Variants in NR1H4 observed in about 807,000 individuals in gnomAD.
NR1H4 encodes the protein bile acid receptor.
A neutral mutation model predicts 58.5 loss-of-function variants in NR1H4; 23 were observed. That is an observed-to-expected ratio of 0.39 (90% confidence interval 0.28 to 0.56). The LOEUF is 0.56. NR1H4 is among the 20% of genes least tolerant of loss of function. The pLI is 0.58. For missense variants in NR1H4, 487 were observed against 576.9 expected, an observed-to-expected ratio of 0.84 and a Z score of 1.60; for synonymous variants, 214 against 198.0, an observed-to-expected ratio of 1.08 and a Z score of -0.68.
intron 3 of NR1H4, among the ~76,000 whole-genome samples, chr12:100,496,383 T>C (rs899389187): frequency 3.9e-5 from 6 of 152,038 alleles, no homozygotes; most frequent in Admixed American, 1.3e-4. Flanking sequence ...GAGTCCACAA[T>C]TGAGCACAGC....
At position 100,533,998 on chromosome 12, in the gene NR1H4, G is replaced by A. The variant is rs193091680; in HGVS notation, c.599-892G>A. Among the ~76,000 whole-genome samples the A allele has an allele frequency of 1.6e-3, 240 of 151,532 alleles. 4 individuals are homozygous for A. Among genetic ancestry groups the A allele is most frequent in the East Asian group, 0.012 (63 of 5,148 alleles). On this transcript the variant is annotated intron_variant, in intron 5 of 10. Coordinates refer to ENST00000392986, the MANE Select transcript of NR1H4 (RefSeq NM_001206979.2). ...TGCAAGCTCCGCTTCCCGGGTTCAC[G>A]CCATTCTCCTGCCTCAGCCTCCCGA...
chr12:100,480,722 C>T (rs1213332910), intron 1 of NR1H4, among the ~76,000 whole-genome samples: 1 of 152,140 alleles, frequency 6.6e-6, no homozygotes, highest in East Asian at 1.9e-4. Flanking sequence ...ACAACCATCC[C>T]AAAGCTTAGT....
intron 4 of NR1H4, among the ~76,000 whole-genome samples, chr12:100,528,859 G>C (rs1452519836): frequency 6.6e-6 from 1 of 152,068 alleles, no homozygotes; most frequent in Admixed American, 6.5e-5. Flanking sequence ...CCTTTATTCT[G>C]TTAACTATTA....
chr12:100,503,821 G>T (rs762570484), intron 3 of NR1H4, among the ~76,000 whole-genome samples: 2 of 152,096 alleles, frequency 1.3e-5, no homozygotes, highest in Non-Finnish European at 2.9e-5. Context: ...CATTTTAACA[G>T]ACATTATTTA....
At chr12:100,527,530 T>TA (rs1204585060) in intron 4 of NR1H4, among the ~76,000 whole-genome samples, 1 of 152,106 alleles carries the variant, frequency 6.6e-6, no homozygotes, top group Non-Finnish European at 1.5e-5. Flanking sequence ...AGACCTTGTC[T>TA]AAAAAAATAG....
At chr12:100,477,232 T>C (rs1256581959) in intron 1 of NR1H4, among the ~76,000 whole-genome samples, 1 of 152,146 alleles carries the variant, frequency 6.6e-6, no homozygotes, top group African/African-American at 2.4e-5. Context: ...ATGACACTAA[T>C]ATAATGCAAC....
At position 100,540,500 on chromosome 12, in the gene NR1H4, C is replaced by T. The variant is rs574500272; in HGVS notation, c.932-172C>T. ...CCCAGCTTGTTTAATAAATTCTGCT[C>T]AATGAAGATAAAAGCCTCTATTTTA... On this transcript the variant is annotated intron_variant, in intron 8 of 10. Coordinates refer to ENST00000392986, the MANE Select transcript of NR1H4 (RefSeq NM_001206979.2). 4.0e-4 allele frequency among the ~76,000 whole-genome samples: 61 copies of T among 152,248 alleles called. No individual in the cohort carries two copies. The South Asian group carries it at 0.011, about 28-fold the overall frequency.
chr12:100,509,095 C>T (rs540352988), intron 3 of NR1H4, among the ~76,000 whole-genome samples: 2 of 152,258 alleles, frequency 1.3e-5, no homozygotes, highest in Admixed American at 1.3e-4. Flanking sequence ...TCTGTATCAT[C>T]TCACTCAATC....
intron 9 of NR1H4, among the ~76,000 whole-genome samples, chr12:100,546,212 C>T (rs1282580411): frequency 6.6e-6 from 1 of 152,116 alleles, no homozygotes; most frequent in Non-Finnish European, 1.5e-5. Context: ...TAACATTTTG[C>T]TTCACGAAAA....
intron 1 of NR1H4, among the ~76,000 whole-genome samples, chr12:100,478,439 A>G (rs962619406): frequency 6.6e-6 from 1 of 152,192 alleles, no homozygotes; most frequent in African/African-American, 2.4e-5. Flanking sequence ...GCATCTGATT[A>G]TATAATTGGC....
intron 1 of NR1H4, among the ~76,000 whole-genome samples, chr12:100,485,754 G>A (rs1338413248): frequency 6.6e-5 from 10 of 151,940 alleles, no homozygotes; most frequent in East Asian, 3.9e-4. Flanking sequence ...GGCTGGTCTC[G>A]AACTCCTGAC....
At chr12:100,554,553 GAT>G (rs1458895125) in intron 9 of NR1H4, among the ~76,000 whole-genome samples, 2 of 152,102 alleles carry the variant, frequency 1.3e-5, no homozygotes, top group East Asian at 3.9e-4. Flanking sequence ...GAATATTTCT[GAT>G]CATTGAACAT....
chr12:100,541,407 G>A (rs1040158898), intron 9 of NR1H4, among the ~76,000 whole-genome samples: 8 of 151,116 alleles, frequency 5.3e-5, no homozygotes, highest in African/African-American at 1.7e-4. Context: ...TCAGCCTCCC[G>A]AGTAGCCAGG....
chr12:100,545,522 A>G (rs1383647776), intron 9 of NR1H4, among the ~76,000 whole-genome samples: 1 of 151,000 alleles, frequency 6.6e-6, no homozygotes, highest in Non-Finnish European at 1.5e-5. Context: ...TGAGTCTGTA[A>G]TCTCAGCTAG....
Position 100,528,378 on chromosome 12 carries a change from A to G in NR1H4, c.446-4080A>G, listed in dbSNP as rs561957805. On this transcript the variant is annotated intron_variant, in intron 4 of 10. Coordinates refer to ENST00000392986, the MANE Select transcript of NR1H4 (RefSeq NM_001206979.2). ...TGAGGCTCCATCTGGGAAAGAAAAA[A>G]AAAAAAGAGGCAGAAAAGCAGTGTG... 3.7e-4 allele frequency among the ~76,000 whole-genome samples: 56 copies of G among 152,182 alleles called. 1 individual carries two copies. The highest frequency in any genetic ancestry group is 1.3e-3 in the African/African-American group (53 of 41,478).
chr12:100,532,466 A>G lies in NR1H4; in HGVS notation c.454A>G (p.Arg152Gly), dbSNP rs1214786771. 2 of 1,614,128 alleles carry G rather than the reference A, an allele frequency of 1.2e-6. No homozygotes were observed. Among genetic ancestry groups the G allele is most frequent in the East Asian group, 2.2e-5 (1 of 44,886 alleles). The change falls in exon 5 of 11, where the codon AGG becomes GGG. Residue 152 changes from arginine to glycine, a missense_variant. By Grantham distance (125) the Arg-to-Gly change is moderately radical (BLOSUM62 -2). Coordinates refer to ENST00000392986, the MANE Select transcript of NR1H4 (RefSeq NM_001206979.2). ...LTCEGCKGFF[R>G]RSITKNAVYK... is the part of the protein sequence containing the mutation. ...CAGTGTTTCTCCCACAGGTTTCTTC[A>G]GGAGAAGCATTACCAAAAACGCTGT...
intron 1 of NR1H4, among the ~76,000 whole-genome samples, chr12:100,491,591 C>T (rs1953607415): frequency 6.6e-6 from 1 of 151,328 alleles, no homozygotes; most frequent in Non-Finnish European, 1.5e-5. Flanking sequence ...GGGTGAAGTT[C>T]ATGGTCCCTA....
In NR1H4 at chr12:100,563,298, C is replaced by A; in HGVS notation, c.1240C>A (p.Pro414Thr). The A allele has an allele frequency of 6.2e-7, 1 of 1,614,044 alleles. No individual in the cohort carries two copies. Residue 414 changes from proline to threonine, a missense_variant, in exon 11 of 11, where the codon CCA becomes ACA. By Grantham distance (38) the Pro-to-Thr change is conservative. Transcript: ENST00000392986. ...DREAVEKLQE[P>T]LLDVLQKLCK... ...AGAGGCAGTAGAGAAGCTTCAGGAGCCACTTCTTGATGTGCTACAAAAGTT... is the reference window on the plus strand; with the variant it reads ...AGAGGCAGTAGAGAAGCTTCAGGAGACACTTCTTGATGTGCTACAAAAGTT...
chr12:100,513,666 G>C (rs887338522), intron 4 of NR1H4, among the ~76,000 whole-genome samples: 2 of 152,016 alleles, frequency 1.3e-5, no homozygotes, highest in Non-Finnish European at 2.9e-5. Flanking sequence ...ATAGTGGCAC[G>C]CACCTGTAGT....
Sources: gnomAD v4.1 joint callset for allele counts (sites outside exome capture counted in the v4.1 genomes callset) on GRCh38, gnomAD v4.1.1 for gene constraint, MANE v1.5 for transcripts, NCBI Gene and HGNC (gene_info 2026-07-23, HGNC 2026-07-21) for gene names.